The following GTF2A1 variants were observed in gnomAD, a reference collection of about 807,000 sequenced individuals.
GTF2A1 encodes the protein general transcription factor IIA subunit 1, also known as transcription initiation factor IIA subunit 1.
Under a neutral mutation model 54.1 loss-of-function variants are expected in GTF2A1, and 12 were observed. That is an observed-to-expected ratio of 0.22 (90% CI 0.14 to 0.36). The LOEUF is 0.36. Ranked by LOEUF, GTF2A1 falls within the 10% of genes least tolerant of loss-of-function variation. The probability of loss-of-function intolerance (pLI) is 1.00; values close to 1 mark genes in which losing one functional copy is unlikely to be tolerated. For missense variants in GTF2A1, 335 were observed against 442.2 expected (o/e 0.76, Z 2.17); for synonymous variants, 145 against 152.0 (o/e 0.95, Z 0.34).
In GTF2A1 at chr14:81,187,550, A is replaced by T. The variant is rs1012254423; in HGVS notation, c.934-1930T>A. On this transcript the variant is annotated intron_variant, in intron 7 of 8. Coordinates refer to ENST00000553612, the MANE Select transcript of GTF2A1 (RefSeq NM_015859.4). ...CATTCTCCCTGTCCCCTGGCAATCTATAATCTGCTGTCTGTATGGATTTGC... is the reference window on the plus strand; with the variant it reads ...CATTCTCCCTGTCCCCTGGCAATCTTTAATCTGCTGTCTGTATGGATTTGC... Among the ~76,000 whole-genome samples, 4 of 152,286 alleles carry T rather than the reference A, an allele frequency of 2.6e-5. No homozygotes were observed. In the South Asian group the frequency reaches 8.3e-4, roughly 32 times the overall value.
chr14:81,199,456 T>C (rs1893057705), intron 4 of GTF2A1, among the ~76,000 whole-genome samples: 1 of 152,222 alleles, frequency 6.6e-6, no homozygotes, highest in African/African-American at 2.4e-5. Flanking sequence ...TTCTACTATA[T>C]TATCTCACGT....
At chr14:81,207,534 TAG>T (rs1566859477) in intron 2 of GTF2A1, among the ~76,000 whole-genome samples, 1 of 151,800 alleles carries the variant, frequency 6.6e-6, no homozygotes, top group Non-Finnish European at 1.5e-5. Context: ...CTGGTACCAG[TAG>T]AGTCAGGGCA....
chr14:81,188,968 A>T (rs912764265), intron 7 of GTF2A1, among the ~76,000 whole-genome samples: 19 of 152,196 alleles, frequency 1.2e-4, no homozygotes, highest in Non-Finnish European at 2.5e-4. Context: ...AATTTGTTGA[A>T]GACTATTCTG....
chr14:81,192,869 A>G, intron 6 of GTF2A1, 30 bp from the exon 7 acceptor site: 1 of 1,246,450 alleles, frequency 8.0e-7, no homozygotes, highest in Non-Finnish European at 1.2e-6. Context: ...CATAACAGTA[A>G]CTAGTTAAGA....
chr14:81,184,340 G>C (rs1035431782), intron 8 of GTF2A1, among the ~76,000 whole-genome samples: 11 of 152,084 alleles, frequency 7.2e-5, no homozygotes, highest in African/African-American at 2.7e-4. Context: ...AGATTTAATG[G>C]TATCTTTTGT....
intron 1 of GTF2A1, among the ~76,000 whole-genome samples, chr14:81,216,724 G>A (rs1893496923): frequency 1.3e-5 from 2 of 152,154 alleles, no homozygotes; most frequent in African/African-American, 4.8e-5. Flanking sequence ...ATAAACAGAA[G>A]GCCCCTAAGA....
At chr14:81,204,424 CAA>C (rs1166234229) in intron 2 of GTF2A1, 4 of 383,900 alleles carry the variant, frequency 1.0e-5, no homozygotes, top group Non-Finnish European at 2.0e-5. Flanking sequence ...CTTTAGTAAT[CAA>C]AGATTATCCT....
chr14:81,202,328 A>G (rs778371804), intron 3 of GTF2A1, among the ~76,000 whole-genome samples: 9 of 152,228 alleles, frequency 5.9e-5, no homozygotes, highest in Non-Finnish European at 4.4e-5. Flanking sequence ...TACTAATCCA[A>G]TAAAAGTAAG....
chr14:81,206,951 C>T (rs1459738136), intron 2 of GTF2A1, among the ~76,000 whole-genome samples: 2 of 152,092 alleles, frequency 1.3e-5, no homozygotes, highest in African/African-American at 2.4e-5. Context: ...CATACACTGG[C>T]GCATGTATTT....
rs201410281 is a variant in GTF2A1, at chr14:81,220,488, C to T, written c.30+1G>A. 4 of 1,574,438 alleles carry T rather than the reference C, an allele frequency of 2.5e-6. No individual in the cohort carries two copies. The highest frequency in any genetic ancestry group is 1.4e-5 in the African/African-American group (1 of 73,488). ...CGCCGGCCACCGAACCACGTCCTTA[C>T]CACGGTGTTTGTATTTGCCGAGTTC... On this transcript the variant is annotated splice_donor_variant, in intron 1 of 8. Transcript: ENST00000553612. LOFTEE classifies it high-confidence loss of function.
chr14:81,220,835 C>G lies in GTF2A1; in HGVS notation c.-317G>C, dbSNP rs1415333982. On this transcript the variant is annotated 5_prime_UTR_variant, in exon 1 of 9. Coordinates refer to ENST00000553612, the MANE Select transcript of GTF2A1 (RefSeq NM_015859.4). ...GGGAAACCACCACCGGTCACCGCTC[C>G]CTGCGCCGCCGCTGCCGCCACCGGC... 1 of 302,592 alleles carries G rather than the reference C, an allele frequency of 3.3e-6. No individual in the cohort carries two copies. The highest frequency in any genetic ancestry group is 2.2e-5 in the African/African-American group (1 of 45,950). 18.7% of individuals were successfully genotyped at this position (302,592 alleles called of 1,614,324 possible). A position where few individuals can be genotyped will look rare whatever the true frequency, so the allele number is the denominator to read the frequency against.
At chr14:81,213,889 C>G (rs142404721) in intron 2 of GTF2A1, among the ~76,000 whole-genome samples, 1 of 150,318 alleles carries the variant, frequency 6.7e-6, no homozygotes, top group Non-Finnish European at 1.5e-5. Context: ...GTCACCCAGG[C>G]TGCAGTGTAG....
intron 1 of GTF2A1, among the ~76,000 whole-genome samples, chr14:81,220,199 C>A (rs1287691551): frequency 1.5e-5 from 2 of 135,210 alleles, no homozygotes; most frequent in Non-Finnish European, 3.2e-5. Flanking sequence ...GGGGCCGGGG[C>A]TGCGCGCCCG....
chr14:81,185,816 T>C (rs1224500314), intron 7 of GTF2A1, among the ~76,000 whole-genome samples, 196 bp from the exon 8 acceptor site: 1 of 152,242 alleles, frequency 6.6e-6, no homozygotes, highest in Non-Finnish European at 1.5e-5. Flanking sequence ...TATAATTAAA[T>C]TAGCTAAGCT....
intron 8 of GTF2A1, among the ~76,000 whole-genome samples, chr14:81,184,602 C>CG (rs1198937192): frequency 6.6e-6 from 1 of 152,060 alleles, no homozygotes; most frequent in African/African-American, 2.4e-5. Context: ...GAAGTAAGCA[C>CG]GGCTACTTAT....
intron 7 of GTF2A1, among the ~76,000 whole-genome samples, chr14:81,190,556 A>C (rs1892854805): frequency 6.6e-6 from 1 of 152,162 alleles, no homozygotes; most frequent in African/African-American, 2.4e-5. Flanking sequence ...AAATTATACA[A>C]ATCATTGCAG....
rs1321391279 is a variant in GTF2A1, at chr14:81,208,014, CA to C, written c.133-3911del. Among the ~76,000 whole-genome samples the C allele has an allele frequency of 6.6e-5, 10 of 152,214 alleles. No individual in the cohort carries two copies. The East Asian group carries it at 1.9e-3, about 29-fold the overall frequency. ...GACAATGCTGTGGAAAAGAAAAAGC[CA>C]TTTTTTGAGGAGAAATTCAAGCTGG... is the stretch of plus-strand genomic sequence containing the variant. On this transcript the variant is annotated intron_variant, in intron 2 of 8. Coordinates refer to ENST00000553612, the MANE Select transcript of GTF2A1 (RefSeq NM_015859.4).
At chr14:81,198,578 C>T (rs568096944) in intron 4 of GTF2A1, among the ~76,000 whole-genome samples, 1 of 152,272 alleles carries the variant, frequency 6.6e-6, no homozygotes, top group South Asian at 2.1e-4. Context: ...TCCTCCTGTC[C>T]TCCCGCAAAG....
rs536766199 is a variant in GTF2A1 at position 81,190,965 on chromosome 14, G to GA, written c.933+1553dup. On this transcript the variant is annotated intron_variant, in intron 7 of 8. Coordinates refer to ENST00000553612, the MANE Select transcript of GTF2A1 (RefSeq NM_015859.4). The stretch of plus-strand genomic sequence containing the variant: ...ATATTTCCATCCTACCAATAAACTG[G>GA]AAAAGGTAATAAAAACATGTTACTT... 1.2e-3 allele frequency among the ~76,000 whole-genome samples: 183 copies of GA among 152,222 alleles called. 3 individuals are homozygous for GA. The highest frequency in any genetic ancestry group is 4.5e-3 in the Admixed American group (68 of 15,276).
Sources: gnomAD v4.1 joint callset for allele counts (sites outside exome capture counted in the v4.1 genomes callset) on GRCh38, gnomAD v4.1.1 for gene constraint, MANE v1.5 for transcripts, NCBI Gene and HGNC (gene_info 2026-07-23, HGNC 2026-07-21) for gene names.